SLC9D1: variants seen among roughly 807,000 people sequenced by gnomAD.
SLC9D1 encodes putative LAG1-interacting protein.
chr13:113,544,111 A>G, the SLC9D1 span, among the ~76,000 whole-genome samples: 1 of 152,176 alleles, frequency 6.6e-6, no homozygotes, highest in Non-Finnish European at 1.5e-5. Context: ...GTTCCAACAG[A>G]TGTGTCCGGG....
At chr13:113,539,352 C>G in the SLC9D1 span, 2 of 1,611,636 alleles carry the variant, frequency 1.2e-6, no homozygotes, top group East Asian at 2.2e-5. The surrounding 1 kb of genome is among the most constrained non-coding windows in gnomAD (Gnocchi z 4.8). Context: ...TCCTGCCTCT[C>G]TCAGGTCACG....
At chr13:113,492,713 C>G in the SLC9D1 span, among the ~76,000 whole-genome samples, 4 of 152,180 alleles carry the variant, frequency 2.6e-5, no homozygotes, top group African/African-American at 9.7e-5. Context: ...GCCTGGCCAA[C>G]ATGGCAAAAC....
At chr13:113,506,546 C>CGTGTGT in the SLC9D1 span, among the ~76,000 whole-genome samples, 2 of 134,316 alleles carry the variant, frequency 1.5e-5, no homozygotes, top group African/African-American at 6.3e-5. Flanking sequence ...GCAGCATGGG[C>CGTGTGT]GTGTGTGTGT....
the SLC9D1 span, among the ~76,000 whole-genome samples, chr13:113,543,975 C>G: frequency 2.6e-5 from 4 of 152,330 alleles, no homozygotes; most frequent in South Asian, 8.3e-4. Context: ...CGGCCAGGAC[C>G]TTATTTTTGT....
At chr13:113,538,688 GTTTCT>G in the SLC9D1 span, among the ~76,000 whole-genome samples, 4 of 149,274 alleles carry the variant, frequency 2.7e-5, no homozygotes, top group African/African-American at 5.1e-5. Context: ...TTCTTTACAA[GTTTCT>G]TTTCTTTTCG....
At chr13:113,525,851 C>G in the SLC9D1 span, among the ~76,000 whole-genome samples, 3 of 148,994 alleles carry the variant, frequency 2.0e-5, no homozygotes, top group South Asian at 2.1e-4. Context: ...TATTCTAGAA[C>G]AAGCCATCGT....
chr13:113,549,443 A>G, the SLC9D1 span: 31 of 1,613,846 alleles, frequency 1.9e-5, no homozygotes, highest in Non-Finnish European at 2.6e-5. Context: ...CCTTATACTG[A>G]GTGTGACCAC....
the SLC9D1 span, chr13:113,502,018 G>A: frequency 1.4e-6 from 1 of 691,730 alleles, no homozygotes; most frequent in Non-Finnish European, 2.4e-6. Flanking sequence ...CCTTTCAGGT[G>A]TCACGGGAAG....
the SLC9D1 span, among the ~76,000 whole-genome samples, chr13:113,535,475 G>A: frequency 2.0e-5 from 3 of 152,166 alleles, no homozygotes; most frequent in East Asian, 5.8e-4. This position sits in a 1 kb window ranked among gnomAD's most constrained non-coding sequence, Gnocchi z 4.1. Flanking sequence ...CCAGAGAAAT[G>A]AAGCCGTGTT....
the SLC9D1 span, among the ~76,000 whole-genome samples, chr13:113,494,302 C>G: frequency 6.6e-6 from 1 of 152,234 alleles, no homozygotes; most frequent in East Asian, 1.9e-4. Context: ...TGGCCAAATT[C>G]CACGGACTCT....
chr13:113,503,432 G>T, the SLC9D1 span: 2 of 1,256,644 alleles, frequency 1.6e-6, no homozygotes, highest in South Asian at 2.5e-5. Flanking sequence ...CATGATTGTT[G>T]AGTTAAGTAT....
the SLC9D1 span, chr13:113,510,419 A>T: frequency 6.2e-7 from 1 of 1,611,538 alleles, no homozygotes; most frequent in Non-Finnish European, 8.5e-7. Flanking sequence ...CGGGGTGACA[A>T]AGAAGGTAGG....
At chr13:113,548,876 T>C in the SLC9D1 span, among the ~76,000 whole-genome samples, 3 of 152,132 alleles carry the variant, frequency 2.0e-5, no homozygotes, top group East Asian at 3.9e-4. Flanking sequence ...TCTCCTTGCA[T>C]TGTGTAAGTG....
the SLC9D1 span, chr13:113,548,534 T>G: frequency 6.8e-7 from 1 of 1,478,524 alleles, no homozygotes; most frequent in African/African-American, 1.4e-5. Context: ...CGAAGGCGGC[T>G]CGGCAGCACA....
the SLC9D1 span, chr13:113,530,325 A>G: frequency 6.6e-6 from 1 of 152,344 alleles, no homozygotes; most frequent in Admixed American, 6.5e-5. Flanking sequence ...GCTGGAAACC[A>G]TTGAATTGTA....
At chr13:113,510,238 G>T in the SLC9D1 span, 1 of 1,613,898 alleles carries the variant, frequency 6.2e-7, no homozygotes, top group East Asian at 2.2e-5. Context: ...TCTCTTTAAG[G>T]TGTGGAAGAT....
At chr13:113,539,456 T>C in the SLC9D1 span, 3 of 1,613,594 alleles carry the variant, frequency 1.9e-6, no homozygotes, top group Non-Finnish European at 2.5e-6. The surrounding 1 kb of genome is among the most constrained non-coding windows in gnomAD (Gnocchi z 4.8). Context: ...GATCGCCACC[T>C]CCATCGAACC....
chr13:113,510,310 C>T, the SLC9D1 span: 1 of 1,614,184 alleles, frequency 6.2e-7, no homozygotes, highest in Non-Finnish European at 8.5e-7. Flanking sequence ...GCTGTGGGGG[C>T]ATCTCTTGCG....
chr13:113,494,060 T>C, the SLC9D1 span, among the ~76,000 whole-genome samples: 1 of 152,250 alleles, frequency 6.6e-6, no homozygotes, highest in African/African-American at 2.4e-5. Context: ...GAAATGAAAG[T>C]ATAGATATAT....
Sources: allele counts gnomAD v4.1 joint callset (sites outside exome capture counted in the v4.1 genomes callset), GRCh38; gene constraint gnomAD v4.1.1; non-coding constraint Gnocchi (gnomAD v3.1); transcripts MANE v1.5; gene names NCBI Gene and HGNC (gene_info 2026-07-23, HGNC 2026-07-21).